Variants in CPNE1 observed in about 807,000 individuals in gnomAD.
CPNE1 encodes the protein copine 1, also known as copine-1.
Under a neutral mutation model 63.2 loss-of-function variants are expected in CPNE1, and 58 were observed. The observed-to-expected ratio is 0.92, with a 90% CI of 0.74 to 1.14. CPNE1 has a LOEUF of 1.14. CPNE1 is among the 50% of genes most tolerant of loss of function. The pLI is 0.00. For synonymous variants in CPNE1, 237 were observed against 249.0 expected (o/e 0.95, Z 0.45); for missense variants, 672 against 661.7 (o/e 1.02, Z -0.17).
rs1381340598 is a variant in CPNE1 at position 35,631,994 on chromosome 20, T to A, written c.488A>T (p.Glu163Val). The change falls in exon 6 of 16, where the codon GAG becomes GTG. Residue 163 changes from glutamate to valine, a missense_variant. Coordinates refer to ENST00000397443, the MANE Select transcript of CPNE1 (RefSeq NM_152925.3). The stretch of plus-strand genomic sequence containing the variant: ...TTTCCCATCACCCTGGCGGAAGAAC[T>A]CCAGAAATGGATCTGATTTTCCCAG... ...DFLGKSDPFL[E>V]FFRQGDGKWH... 2 of 1,613,942 alleles carry A rather than the reference T, an allele frequency of 1.2e-6. No individual in the cohort carries two copies. Among genetic ancestry groups the A allele is most frequent in the Admixed American group, 1.7e-5 (1 of 60,008 alleles).
chr20:35,649,873 A>G (rs912805502), intron 1 of CPNE1: 4 of 152,306 alleles, frequency 2.6e-5, no homozygotes, highest in Admixed American at 1.3e-4. Flanking sequence ...TAAAATTGAA[A>G]ATATCATGAT....
Position 35,626,730 on chromosome 20 carries a change from C to A in CPNE1, c.1310G>T (p.Arg437Leu). ...CACTGACATGGGCAGGTTCGAGGCA[C>A]GCACCACAGCCTCACGTGTGGCTTC... ...DVEATREAVV[R>L]ASNLPMSVII... The change falls in exon 15 of 16, where the codon CGT (arginine) becomes CTT (leucine). Residue 437 changes from arginine (R) to leucine (L), a missense_variant. Arg to Leu is a moderately radical substitution (Grantham distance 102). Coordinates refer to ENST00000397443, the MANE Select transcript of CPNE1 (RefSeq NM_152925.3). 1 of 1,614,138 alleles carries A rather than the reference C, an allele frequency of 6.2e-7. No individual in the cohort carries two copies. The highest frequency in any genetic ancestry group is 8.5e-7 in the Non-Finnish European group (1 of 1,180,030).
At chr20:35,641,084 A>G (rs974726729) in intron 1 of CPNE1, among the ~76,000 whole-genome samples, 1 of 152,216 alleles carries the variant, frequency 6.6e-6, no homozygotes, top group Non-Finnish European at 1.5e-5. Context: ...GTGCCCTAGC[A>G]GGGCACATTC....
intron 1 of CPNE1, among the ~76,000 whole-genome samples, chr20:35,645,819 T>G (rs2033064650): frequency 6.6e-6 from 1 of 152,192 alleles, no homozygotes; most frequent in South Asian, 2.1e-4. Flanking sequence ...GCTGGGCCAC[T>G]CTCCAGCCCC....
In CPNE1 at chr20:35,632,340, C is replaced by T. The variant is rs1367246832; in HGVS notation, c.355G>A (p.Gly119Arg). The T allele has an allele frequency of 6.2e-7, 1 of 1,614,120 alleles. No homozygotes were observed. Among genetic ancestry groups the T allele is most frequent in the Non-Finnish European group, 8.5e-7 (1 of 1,180,018 alleles). The change falls in exon 4 of 16, where the codon GGA becomes AGA. Residue 119 changes from glycine (G) to arginine (R), a missense_variant. Physicochemically the swap from Gly to Arg is moderately radical, Grantham distance 125. Coordinates refer to ENST00000397443, the MANE Select transcript of CPNE1 (RefSeq NM_152925.3). ...VLTLPLMLKPGKPAGRGTITV... is the reference protein window; with the variant it reads ...VLTLPLMLKPRKPAGRGTITV... ...ATGGTCCCCCGCCCAGCAGGTTTTC[C>T]AGGCTTCAGCATCAAGGGGAGAGTC... is the stretch of plus-strand genomic sequence containing the variant.
At position 35,654,509 on chromosome 20, in the gene CPNE1, G is replaced by T. The variant is rs2033766736; in HGVS notation, c.-1+10251C>A. On this transcript the variant is annotated intron_variant, in intron 1 of 15. Transcript: ENST00000397443. ...AACGGACCAAGAAACATAGGATTCA[G>T]ATTATTGTTCAAATTCATAGGTGCT... 2.5e-6 allele frequency: 4 copies of T among 1,614,218 alleles called. No homozygotes were observed. In the South Asian group the frequency reaches 3.3e-5, roughly 13 times the overall value.
chr20:35,633,703 G>A (rs1012262999), intron 1 of CPNE1, among the ~76,000 whole-genome samples: 8 of 152,070 alleles, frequency 5.3e-5, no homozygotes, highest in East Asian at 1.9e-4. Context: ...CTGTAATCCT[G>A]GCACTTTGGG....
chr20:35,654,136 C>G (rs770363703), intron 1 of CPNE1: 1 of 1,614,182 alleles, frequency 6.2e-7, no homozygotes, highest in Non-Finnish European at 8.5e-7. Flanking sequence ...TCCAGAAGGT[C>G]CCATATTTTG....
chr20:35,646,334 G>T (rs2033097843), intron 1 of CPNE1, among the ~76,000 whole-genome samples: 1 of 146,836 alleles, frequency 6.8e-6, no homozygotes, highest in African/African-American at 2.5e-5. Flanking sequence ...GACTTGTGGT[G>T]TAGCACAATG....
At chr20:35,663,040 A>C (rs2034320615) in intron 1 of CPNE1, among the ~76,000 whole-genome samples, 1 of 152,232 alleles carries the variant, frequency 6.6e-6, no homozygotes, top group Admixed American at 6.5e-5. Flanking sequence ...ATATATACTA[A>C]GCACATCTTC....
At chr20:35,651,998 A>C (rs754241751) in intron 1 of CPNE1, 1 of 152,718 alleles carries the variant, frequency 6.5e-6, no homozygotes, top group Non-Finnish European at 1.5e-5. Context: ...GACCCTTAAG[A>C]AGCAATAAAG....
chr20:35,631,694 G>A lies in CPNE1; in HGVS notation c.621C>T (p.Pro207=), dbSNP rs1568912089. The A allele has an allele frequency of 6.2e-7, 1 of 1,613,848 alleles. No homozygotes were observed. The highest frequency in any genetic ancestry group is 1.6e-4 in the Middle Eastern group (1 of 6,062). Residue 207 remains proline, a synonymous_variant, in exon 7 of 16, where the codon CCC becomes CCT. Coordinates refer to ENST00000397443, the MANE Select transcript of CPNE1 (RefSeq NM_152925.3). Reference sequence around the variant, plus strand: ...TAGGGGGCAAGCTCCTCACCTGGATGGGTGTGCTGGGGTTCCCACCACAGA... The same window carrying A: ...TAGGGGGCAAGCTCCTCACCTGGATAGGTGTGCTGGGGTTCCCACCACAGA... The part of the protein sequence containing the change: ...QHFCGGNPST[P]IQVQCSDYDS...
chr20:35,647,730 A>G (rs1768451687), intron 1 of CPNE1, among the ~76,000 whole-genome samples: 1 of 152,036 alleles, frequency 6.6e-6, no homozygotes, highest in African/African-American at 2.4e-5. Flanking sequence ...CAAAGCACCA[A>G]GAATAAACCC....
intron 1 of CPNE1, among the ~76,000 whole-genome samples, chr20:35,642,116 C>A (rs1262581007): frequency 6.6e-6 from 1 of 152,210 alleles, no homozygotes; most frequent in African/African-American, 2.4e-5. Context: ...CTATGGCCAC[C>A]CTTCCCTTGC....
At chr20:35,647,248 A>C (rs1430813629) in intron 1 of CPNE1, 2 of 136,438 alleles carry the variant, frequency 1.5e-5, no homozygotes, top group Admixed American at 8.0e-5. Flanking sequence ...CGGGAGGCGG[A>C]GGTTGCAGTG....
chr20:35,630,567 A>C, intron 12 of CPNE1, 77 bp from the exon 13 acceptor site: 1 of 1,536,108 alleles, frequency 6.5e-7, no homozygotes, highest in Non-Finnish European at 9.0e-7. Flanking sequence ...GCGTGTGCCA[A>C]GATTCCTATA....
intron 1 of CPNE1, among the ~76,000 whole-genome samples, chr20:35,646,728 C>T (rs1225798750): frequency 6.6e-6 from 1 of 152,146 alleles, no homozygotes; most frequent in Non-Finnish European, 1.5e-5. Flanking sequence ...CATTTGAATA[C>T]AGTACAGCTC....
At chr20:35,636,544 A>G (rs933216008) in intron 1 of CPNE1, among the ~76,000 whole-genome samples, 1 of 152,208 alleles carries the variant, frequency 6.6e-6, no homozygotes, top group African/African-American at 2.4e-5. Flanking sequence ...TCACTGTTGT[A>G]ATCCCAGCGT....
chr20:35,653,662 C>A (rs542564329), intron 1 of CPNE1: 1 of 1,614,160 alleles, frequency 6.2e-7, no homozygotes, highest in African/African-American at 1.3e-5. Context: ...CTTTGTAATG[C>A]TGAATGGAAT....
Sources: allele counts gnomAD v4.1 joint callset (sites outside exome capture counted in the v4.1 genomes callset), GRCh38; gene constraint gnomAD v4.1.1; transcripts MANE v1.5; gene names NCBI Gene and HGNC (gene_info 2026-07-23, HGNC 2026-07-21).